GOLGA5: variants seen among roughly 807,000 people sequenced by gnomAD.
GOLGA5 encodes the protein golgin subfamily A member 5.
A neutral mutation model predicts 93.5 loss-of-function variants in GOLGA5; 50 were observed. That is an observed-to-expected ratio of 0.53 (90% confidence interval 0.43 to 0.68). The LOEUF (loss-of-function observed/expected upper bound fraction) is 0.68, where lower values mean the gene tolerates loss of function less well. Ranked by LOEUF, GOLGA5 falls within the 30% of genes least tolerant of loss-of-function variation. The pLI is 0.00. For synonymous variants in GOLGA5, 312 were observed against 304.5 expected, an observed-to-expected ratio of 1.02 and a Z score of -0.26; for missense variants, 760 against 856.4, an observed-to-expected ratio of 0.89 and a Z score of 1.40.
At chr14:92,837,646 C>G (rs1468427366) in intron 12 of GOLGA5, among the ~76,000 whole-genome samples, 197 bp downstream of exon 12, 1 of 152,122 alleles carries the variant, frequency 6.6e-6, no homozygotes, top group African/African-American at 2.4e-5. Context: ...TCACTGCAGC[C>G]TCTACCTCCC....
Position 92,811,691 on chromosome 14 carries a change from G to GT in GOLGA5, c.1257_1258insT (p.Asn420Ter), listed in dbSNP as rs1885105364. Reference sequence around the variant, plus strand: ...AGCAGCAAGTCAAGCTGTATAAGTTGAACTTGGAGTCCTCTAAGCAGGAAT... The same window carrying GT: ...AGCAGCAAGTCAAGCTGTATAAGTTGTAACTTGGAGTCCTCTAAGCAGGAAT... On this transcript the variant is annotated frameshift_variant, in exon 6 of 13. Transcript: ENST00000163416. LOFTEE classifies it high-confidence loss of function. 3.1e-6 allele frequency: 5 copies of GT among 1,612,838 alleles called. No homozygotes were observed. Among genetic ancestry groups the GT allele is most frequent in the Non-Finnish European group, 4.2e-6 (5 of 1,179,360 alleles).
intron 2 of GOLGA5, among the ~76,000 whole-genome samples, chr14:92,798,287 GA>G (rs1884782985): frequency 6.6e-6 from 1 of 152,170 alleles, no homozygotes; most frequent in South Asian, 2.1e-4. Flanking sequence ...AAATCTGAAA[GA>G]AAACATGTCA....
intron 9 of GOLGA5, among the ~76,000 whole-genome samples, chr14:92,830,821 A>AACTC (rs1566960797): frequency 6.6e-6 from 1 of 152,012 alleles, no homozygotes; most frequent in Non-Finnish European, 1.5e-5. Flanking sequence ...GCTGGTTTTG[A>AACTC]ACTCCTGGGC....
chr14:92,812,191 AT>A (rs1235572237), intron 6 of GOLGA5, among the ~76,000 whole-genome samples: 1 of 152,202 alleles, frequency 6.6e-6, no homozygotes, highest in Non-Finnish European at 1.5e-5. Context: ...CAGTCATCTA[AT>A]GTCGTTTTTG....
chr14:92,816,532 G>GCTTCT (rs1304182495), intron 7 of GOLGA5, 111 bp downstream of exon 7: 14 of 658,998 alleles, frequency 2.1e-5, no homozygotes, highest in African/African-American at 8.3e-5. Flanking sequence ...GCTTCTCTTC[G>GCTTCT]CTTCGCTTCG....
chr14:92,823,552 T>C (rs1194842679), intron 8 of GOLGA5, among the ~76,000 whole-genome samples: 7 of 151,522 alleles, frequency 4.6e-5, no homozygotes, highest in Admixed American at 6.6e-5. Flanking sequence ...GTAGCTGGGA[T>C]TACAGGCACG....
intron 10 of GOLGA5, 85 bp from the exon 11 acceptor site, chr14:92,835,474 C>A: frequency 1.2e-6 from 1 of 847,048 alleles, no homozygotes; most frequent in Non-Finnish European, 1.8e-6. Flanking sequence ...AAATTCCTTC[C>A]ACATGTAATA....
At chr14:92,799,592 T>A (rs1277626544) in intron 2 of GOLGA5, among the ~76,000 whole-genome samples, 3 of 150,640 alleles carry the variant, frequency 2.0e-5, no homozygotes, top group African/African-American at 7.3e-5. Flanking sequence ...CCTTTTTTAA[T>A]GTTTTTATTT....
Position 92,833,268 on chromosome 14 carries a change from C to T in GOLGA5, c.1866C>T (p.Leu622=), listed in dbSNP as rs533608285. 5.9e-5 allele frequency: 95 copies of T among 1,613,886 alleles called. No homozygotes were observed. The South Asian group carries it at 8.3e-4, about 14-fold the overall frequency. ...CCCTGGTCTTTCAACTGGAGCGCCT[C>T]GAACAGCAGATGAACTCCGCCTCTG... ...KNSLVFQLER[L]EQQMNSASGS... The change falls in exon 10 of 13, where the codon CTC becomes CTT. Residue 622 remains leucine, a synonymous_variant. Coordinates refer to ENST00000163416, the MANE Select transcript of GOLGA5 (RefSeq NM_005113.4).
intron 9 of GOLGA5, among the ~76,000 whole-genome samples, chr14:92,827,622 C>G (rs1885449527): frequency 6.6e-6 from 1 of 152,180 alleles, no homozygotes; most frequent in East Asian, 1.9e-4. Flanking sequence ...TCAGATGTCT[C>G]TCACATTAAG....
chr14:92,833,384 C>G, intron 10 of GOLGA5, 37 bp downstream of exon 10: 1 of 1,348,868 alleles, frequency 7.4e-7, no homozygotes. Flanking sequence ...ACATTTCATT[C>G]AAACATGCTT....
At chr14:92,826,522 C>G (rs748489458) in intron 9 of GOLGA5, among the ~76,000 whole-genome samples, 10 of 151,732 alleles carry the variant, frequency 6.6e-5, no homozygotes, top group Non-Finnish European at 1.5e-4. Context: ...ATAGCAAAAC[C>G]CTGTCTCTAT....
At position 92,837,438 on chromosome 14, in the gene GOLGA5, A is replaced by G. The variant is rs1166032369; in HGVS notation, c.2104A>G (p.Ile702Val). Residue 702 changes from isoleucine (I) to valine (V), a missense_variant, in exon 12 of 13, where the codon ATT becomes GTT. Transcript: ENST00000163416. ...ATACCCCATAGCGCGAGTTTTTGTA[A>G]TTATATATATGGTAAGTAAATTTAT... Reference protein sequence around the residue: ...RRYPIARVFVIIYMALLHLWV... With the variant: ...RRYPIARVFVVIYMALLHLWV... The G allele has an allele frequency of 2.8e-6, 4 of 1,412,038 alleles. No homozygotes were observed. Among genetic ancestry groups the G allele is most frequent in the Admixed American group, 3.4e-5 (2 of 59,346 alleles). The allele number at this position is 1,412,038 out of a possible 1,614,324, so 87.5% of individuals were successfully genotyped here.
Position 92,794,342 on chromosome 14 carries a change from C to T in GOLGA5, c.-145C>T, listed in dbSNP as rs1332383251. 1 of 152,420 alleles carries T rather than the reference C, an allele frequency of 6.6e-6. No individual in the cohort carries two copies. Among genetic ancestry groups the T allele is most frequent in the African/African-American group, 2.4e-5 (1 of 41,466 alleles). 9.4% of individuals were successfully genotyped at this position (152,420 alleles called of 1,614,324 possible). ...CGTCTCCCGGAAGCGGTAGCAGGGC[C>T]CCGGCGGGTCGGGGAGGAGGTTTAC... is the stretch of plus-strand genomic sequence containing the variant. On this transcript the variant is annotated 5_prime_UTR_variant, in exon 1 of 13. Transcript: ENST00000163416.
chr14:92,799,408 C>G (rs1354535188), intron 2 of GOLGA5, among the ~76,000 whole-genome samples: 2 of 148,220 alleles, frequency 1.3e-5, no homozygotes, highest in Non-Finnish European at 3.0e-5. Context: ...TCCCAAGTAG[C>G]TGGGACTACA....
chr14:92,835,541 A>G lies in GOLGA5; in HGVS notation c.1946-18A>G, dbSNP rs373999350. The G allele has an allele frequency of 6.6e-7, 1 of 1,511,444 alleles. No homozygotes were observed. Among genetic ancestry groups the G allele is most frequent in the South Asian group, 1.1e-5 (1 of 88,674 alleles). 93.6% of individuals were successfully genotyped at this position (1,511,444 alleles called of 1,614,324 possible). ...AATTTTTATGTCAGTACACTAATTT[A>G]TTTTCTTATTTAAACAGGCACTCGT... On this transcript the variant is annotated intron_variant, in intron 10 of 12. Coordinates refer to ENST00000163416, the MANE Select transcript of GOLGA5 (RefSeq NM_005113.4).
chr14:92,816,447 G>A, intron 7 of GOLGA5, 26 bp downstream of exon 7: 5 of 1,596,782 alleles, frequency 3.1e-6, no homozygotes, highest in Non-Finnish European at 4.3e-6. Context: ...GTTCAGCTTA[G>A]TAGACACCAT....
chr14:92,795,870 T>A (rs1884714919), intron 1 of GOLGA5, among the ~76,000 whole-genome samples: 1 of 152,216 alleles, frequency 6.6e-6, no homozygotes, highest in East Asian at 1.9e-4. Context: ...AACAAGAAAG[T>A]TAACCATGAA....
intron 10 of GOLGA5, among the ~76,000 whole-genome samples, chr14:92,833,612 T>C (rs1450983671): frequency 6.6e-6 from 1 of 152,210 alleles, no homozygotes; most frequent in African/African-American, 2.4e-5. Context: ...AAGATGATGC[T>C]GACAAGGCGA....
Sources: gnomAD v4.1 joint callset for allele counts (sites outside exome capture counted in the v4.1 genomes callset) on GRCh38, gnomAD v4.1.1 for gene constraint, MANE v1.5 for transcripts, NCBI Gene and HGNC (gene_info 2026-07-23, HGNC 2026-07-21) for gene names.